PCDHGA9: variants seen among roughly 807,000 people sequenced by gnomAD.
PCDHGA9 encodes protocadherin gamma subfamily A, 9, also known as protocadherin gamma-A9.
A neutral mutation model predicts 62.5 loss-of-function variants in PCDHGA9; 37 were observed. That is an observed-to-expected ratio of 0.59 (90% CI 0.46 to 0.78). PCDHGA9 has a LOEUF of 0.78. PCDHGA9 is among the 30% of genes least tolerant of loss of function. PCDHGA9 has a pLI of 0.00. For missense variants in PCDHGA9, 1,138 were observed against 1,166.2 expected, an observed-to-expected ratio of 0.98 and a Z score of 0.35; for synonymous variants, 459 against 484.6, an observed-to-expected ratio of 0.95 and a Z score of 0.69.
At chr5:141,510,358 C>T (rs186470331) in intron 3 of PCDHGA9, among the ~76,000 whole-genome samples, 187 of 144,062 alleles carry the variant, frequency 1.3e-3, no homozygotes, top group African/African-American at 4.6e-3. Context: ...ACTAACGGAA[C>T]TACCGAATCT....
At chr5:141,471,114 T>A (rs1210058743) in intron 1 of PCDHGA9, among the ~76,000 whole-genome samples, 1 of 150,256 alleles carries the variant, frequency 6.7e-6, no homozygotes, top group Non-Finnish European at 1.5e-5. Context: ...AGTGGTGCGA[T>A]CTTACCTTCA....
rs2097419057 is a variant in PCDHGA9 at position 141,431,807 on chromosome 5, A to G, written c.2424+26431A>G. 4 of 1,614,050 alleles carry G rather than the reference A, an allele frequency of 2.5e-6. No individual in the cohort carries two copies. Among genetic ancestry groups the G allele is most frequent in the Non-Finnish European group, 2.5e-6 (3 of 1,180,038 alleles). On this transcript the variant is annotated intron_variant, in intron 1 of 3. Coordinates refer to ENST00000573521, the MANE Select transcript of PCDHGA9 (RefSeq NM_018921.3). This position sits in a 1 kb window ranked among gnomAD's most constrained non-coding sequence, Gnocchi z 4.8. ...CGACAATGCCCCAGAAGTGGTCCTC[A>G]CCTCTCTCGCCAGCTCGGTTCCCGA... is the stretch of plus-strand genomic sequence containing the variant.
intron 1 of PCDHGA9, chr5:141,478,860 A>C: frequency 1.9e-5 from 25 of 1,331,544 alleles, no homozygotes; most frequent in Middle Eastern, 2.6e-4. Context: ...ACAAGATCTC[A>C]GCGATCAGAG....
At chr5:141,406,382 G>C (rs189693155) in intron 1 of PCDHGA9, among the ~76,000 whole-genome samples, 1 of 152,114 alleles carries the variant, frequency 6.6e-6, no homozygotes, top group Non-Finnish European at 1.5e-5. Context: ...TGATAAAAAG[G>C]TAAATGTATT....
At chr5:141,504,017 T>G (rs1186684262) in intron 2 of PCDHGA9, among the ~76,000 whole-genome samples, 1 of 152,150 alleles carries the variant, frequency 6.6e-6, no homozygotes, top group Non-Finnish European at 1.5e-5. Context: ...TCTCTGCTGG[T>G]CTCTTCCCAC....
chr5:141,473,053 TACA>T (rs1452453123), intron 1 of PCDHGA9, among the ~76,000 whole-genome samples: 1 of 150,200 alleles, frequency 6.7e-6, no homozygotes, highest in Non-Finnish European at 1.5e-5. Flanking sequence ...AAAGAAGTGA[TACA>T]ACAAGTTACA....
intron 1 of PCDHGA9, chr5:141,430,885 C>T (rs771554381): frequency 5.6e-6 from 9 of 1,605,218 alleles, no homozygotes; most frequent in South Asian, 1.1e-5. Flanking sequence ...TGGAGAAAGG[C>T]TCTAGGGTGG....
rs772637812 is a variant in PCDHGA9 at position 141,408,685 on chromosome 5, TATAAAC to T, written c.2424+3316_2424+3321del. On this transcript the variant is annotated intron_variant, in intron 1 of 3. Transcript: ENST00000573521. ...CGCTTGACCCTGCCACGGATCCTGA[TATAAAC>T]ATAAACTCAATTAAAGATTATAAGA... 8 of 1,613,994 alleles carry T rather than the reference TATAAAC, an allele frequency of 5.0e-6. No individual in the cohort carries two copies. The Admixed American group carries it at 1.0e-4, about 20-fold the overall frequency.
intron 1 of PCDHGA9, among the ~76,000 whole-genome samples, chr5:141,482,723 A>G (rs1441054551): frequency 2.3e-5 from 3 of 128,892 alleles, no homozygotes; most frequent in Non-Finnish European, 4.9e-5. Context: ...GGGAGGGGCC[A>G]TTGCAAGAAA....
intron 1 of PCDHGA9, chr5:141,478,188 C>T (rs770414950): frequency 4.3e-6 from 7 of 1,613,920 alleles, no homozygotes; most frequent in Non-Finnish European, 5.9e-6. Flanking sequence ...AAAAATCTCA[C>T]CTTTTATCTA....
At chr5:141,446,231 C>T (rs1412899811) in intron 1 of PCDHGA9, among the ~76,000 whole-genome samples, 2 of 152,176 alleles carry the variant, frequency 1.3e-5, no homozygotes, top group African/African-American at 2.4e-5. Flanking sequence ...TGTTGCCTGG[C>T]AAGTGGTAGA....
At position 141,494,841 on chromosome 5, in the gene PCDHGA9, A is replaced by G. The variant is rs1163193977; in HGVS notation, c.2459A>G (p.Gln820Arg). ...APPNTDWRFS[Q>R]AQRPGTSGSQ... ...CCCAACACGGACTGGCGTTTCTCTC[A>G]GGCCCAGAGACCCGGCACCAGCGGG... The change falls in exon 2 of 4, where the codon CAG (glutamine) becomes CGG (arginine). Residue 820 changes from glutamine to arginine, a missense_variant. Gln to Arg is a conservative substitution (Grantham distance 43). Coordinates refer to ENST00000573521, the MANE Select transcript of PCDHGA9 (RefSeq NM_018921.3). 1 of 1,613,996 alleles carries G rather than the reference A, an allele frequency of 6.2e-7. No homozygotes were observed. The highest frequency in any genetic ancestry group is 1.1e-5 in the South Asian group (1 of 91,074).
chr5:141,414,792 C>T (rs2095788725), intron 1 of PCDHGA9: 6 of 1,614,230 alleles, frequency 3.7e-6, no homozygotes, highest in African/African-American at 2.7e-5. Flanking sequence ...TGACAGCCAG[C>T]GACAGCGGGG....
chr5:141,437,938 A>G (rs1042890704), intron 1 of PCDHGA9, among the ~76,000 whole-genome samples: 4 of 152,132 alleles, frequency 2.6e-5, no homozygotes, highest in African/African-American at 9.7e-5. Flanking sequence ...GGGTTTCACC[A>G]TATTGGCCAG....
At chr5:141,424,525 A>G (rs1010194490) in intron 1 of PCDHGA9, 2 of 152,196 alleles carry the variant, frequency 1.3e-5, no homozygotes, top group Non-Finnish European at 2.9e-5. Context: ...TAGTAAATCC[A>G]TATATAGAAA....
At chr5:141,418,908 C>T (rs1037628215) in intron 1 of PCDHGA9, 1 of 1,613,814 alleles carries the variant, frequency 6.2e-7, no homozygotes, top group Non-Finnish European at 8.5e-7. Context: ...ATAATCATCA[C>T]GTCACTCTCT....
At chr5:141,416,387 A>T (rs1229066765) in intron 1 of PCDHGA9, 1 of 152,190 alleles carries the variant, frequency 6.6e-6, no homozygotes, top group Admixed American at 6.5e-5. Context: ...AATATTTGGG[A>T]TTCTGCTTTT....
intron 1 of PCDHGA9, chr5:141,423,839 A>C: frequency 7.8e-7 from 1 of 1,279,970 alleles, no homozygotes; most frequent in Admixed American, 3.8e-5. Flanking sequence ...AGATTACGAT[A>C]ATCTTTCAGA....
chr5:141,470,871 T>C (rs1036871133), intron 1 of PCDHGA9, among the ~76,000 whole-genome samples: 1 of 151,822 alleles, frequency 6.6e-6, no homozygotes, highest in Admixed American at 6.6e-5. Flanking sequence ...TGTTTGTTTG[T>C]TTTTTTGTTT....
Sources: gnomAD v4.1 joint callset for allele counts (sites outside exome capture counted in the v4.1 genomes callset) on GRCh38, gnomAD v4.1.1 for gene constraint, Gnocchi (gnomAD v3.1) non-coding constraint, MANE v1.5 for transcripts, NCBI Gene and HGNC (gene_info 2026-07-23, HGNC 2026-07-21) for gene names.